The following EXOC2 variants were observed in gnomAD, a reference collection of about 807,000 sequenced individuals.
The protein encoded by EXOC2 is SEC5-like 1.
EXOC2 carries 70 observed loss-of-function variants against 131.8 expected under a neutral mutation model. The ratio of observed to expected loss-of-function variants is 0.53; its 90% confidence interval spans 0.44 to 0.65. EXOC2 has a LOEUF of 0.65. Among genes scored for constraint, EXOC2 ranks in the 30% least tolerant of loss-of-function variants. The pLI is 0.00. For synonymous variants in EXOC2, 411 were observed against 398.4 expected (o/e 1.03, Z -0.38); for missense variants, 923 against 1,108.6 (o/e 0.83, Z 2.38).
At position 637,852 on chromosome 6, in the gene EXOC2, G is replaced by A; in HGVS notation, c.-34C>T. The A allele has an allele frequency of 6.3e-7, 1 of 1,586,608 alleles. No homozygotes were observed. On this transcript the variant is annotated 5_prime_UTR_variant, in exon 2 of 28. Transcript: ENST00000230449. ...GTGGAGCAAACTGGTGATCCTGTTA[G>A]AGAAGTAATCTGTTAAAAGAGAAAG...
rs1462883463 is a variant in EXOC2 at position 486,722 on chromosome 6, G to A, written c.2724C>T (p.His908=). The stretch of plus-strand genomic sequence containing the variant: ...CTGCTTGGAAACAGGTGAGCTGCAA[G>A]TGCATGCTACTCTTGAACTTGTTCA... ...ELLNKFKSSM[H]LQLTCFQAAS... The change falls in exon 28 of 28, where the codon CAC becomes CAT. Residue 908 remains histidine (H), a synonymous_variant. Coordinates refer to ENST00000230449, the MANE Select transcript of EXOC2 (RefSeq NM_018303.6). The A allele has an allele frequency of 6.2e-7, 1 of 1,614,190 alleles. No homozygotes were observed. The highest frequency in any genetic ancestry group is 8.5e-7 in the Non-Finnish European group (1 of 1,180,030).
chr6:625,071 A>G (rs17756712), intron 4 of EXOC2, among the ~76,000 whole-genome samples: 23,289 of 152,258 alleles, frequency 0.15, 2,126 homozygotes, highest in Non-Finnish European at 0.2. Context: ...CCCTGAACAG[A>G]TATGTTTTCC....
intron 25 of EXOC2, among the ~76,000 whole-genome samples, chr6:496,036 A>G (rs1763715288): frequency 6.6e-6 from 1 of 152,064 alleles, no homozygotes; most frequent in Non-Finnish European, 1.5e-5. Context: ...TCCATTCCAG[A>G]AATTCCATTT....
chr6:675,019 C>G (rs561009893), intron 1 of EXOC2, among the ~76,000 whole-genome samples: 1 of 152,270 alleles, frequency 6.6e-6, no homozygotes, highest in East Asian at 1.9e-4. Flanking sequence ...CCTAGCCATT[C>G]CTTCCCGGGA....
intron 22 of EXOC2, among the ~76,000 whole-genome samples, chr6:534,728 C>G (rs1282315804): frequency 6.6e-6 from 1 of 152,198 alleles, no homozygotes; most frequent in East Asian, 1.9e-4. Flanking sequence ...AACCTAAAAT[C>G]AAACACATCA....
At chr6:614,380 G>T (rs934934441) in intron 6 of EXOC2, among the ~76,000 whole-genome samples, 1 of 152,216 alleles carries the variant, frequency 6.6e-6, no homozygotes, top group African/African-American at 2.4e-5. Flanking sequence ...GTGTGTCACG[G>T]ACTGTTACCA....
At chr6:654,620 T>C (rs767868243) in intron 1 of EXOC2, among the ~76,000 whole-genome samples, 2 of 151,440 alleles carry the variant, frequency 1.3e-5, no homozygotes, top group Non-Finnish European at 2.9e-5. Flanking sequence ...GTCAACATAG[T>C]GAGACTCCCT....
chr6:546,842 G>C (rs1435165846), intron 22 of EXOC2, among the ~76,000 whole-genome samples: 5 of 152,198 alleles, frequency 3.3e-5, no homozygotes, highest in Admixed American at 3.3e-4. Flanking sequence ...TAGTAGTTAG[G>C]TTTTAGGGTG....
intron 22 of EXOC2, 34 bp downstream of exon 22, chr6:549,141 C>T: frequency 3.2e-6 from 5 of 1,563,692 alleles, no homozygotes; most frequent in South Asian, 1.1e-5. Flanking sequence ...CTGGTAAAAC[C>T]ACCGACTTGT....
intron 22 of EXOC2, among the ~76,000 whole-genome samples, chr6:541,413 T>C (rs926903276): frequency 6.6e-6 from 1 of 152,176 alleles, no homozygotes; most frequent in Non-Finnish European, 1.5e-5. Flanking sequence ...TAAACAAGAT[T>C]AGAGTCCAAA....
chr6:597,935 C>T, intron 10 of EXOC2, 86 bp downstream of exon 10: 2 of 906,322 alleles, frequency 2.2e-6, no homozygotes, highest in East Asian at 2.6e-5. Flanking sequence ...CTCCTAAAGT[C>T]CCTCAAGTTA....
At chr6:531,481 C>G (rs1347402330) in intron 23 of EXOC2, among the ~76,000 whole-genome samples, 5 of 152,204 alleles carry the variant, frequency 3.3e-5, no homozygotes, top group Non-Finnish European at 7.3e-5. Context: ...TCAGGAAATT[C>G]AATAACTGTG....
intron 2 of EXOC2, among the ~76,000 whole-genome samples, chr6:635,028 G>T (rs2127711796): frequency 6.6e-6 from 1 of 152,158 alleles, no homozygotes; most frequent in African/African-American, 2.4e-5. Context: ...AGGTATTTTG[G>T]TATCACTCCA....
chr6:563,632 G>A (rs1199015220), intron 16 of EXOC2, among the ~76,000 whole-genome samples: 1 of 152,012 alleles, frequency 6.6e-6, no homozygotes, highest in African/African-American at 2.4e-5. Flanking sequence ...TATAATTTCT[G>A]GAATCCAGAG....
At chr6:586,587 C>T (rs1433507032) in intron 11 of EXOC2, among the ~76,000 whole-genome samples, 1 of 152,248 alleles carries the variant, frequency 6.6e-6, no homozygotes, top group African/African-American at 2.4e-5. Context: ...AGGTGCAGCT[C>T]TTCATGAATC....
chr6:564,800 A>G, intron 14 of EXOC2, 64 bp downstream of exon 14: 1 of 1,584,360 alleles, frequency 6.3e-7, no homozygotes, highest in Middle Eastern at 1.7e-4. Context: ...TGTCTTGAAT[A>G]CAAAGTGAGA....
intron 3 of EXOC2, among the ~76,000 whole-genome samples, chr6:631,660 A>G (rs1036902561): frequency 6.6e-6 from 1 of 152,208 alleles, no homozygotes; most frequent in Non-Finnish European, 1.5e-5. Context: ...TTTATCTGCT[A>G]TATAAATAGA....
chr6:667,872 T>C (rs866620539), intron 1 of EXOC2, among the ~76,000 whole-genome samples: 2 of 145,512 alleles, frequency 1.4e-5, no homozygotes, highest in Admixed American at 6.7e-5. Context: ...CATCCATCCA[T>C]CCATCCATCC....
chr6:533,910 T>C (rs549850450), intron 22 of EXOC2, among the ~76,000 whole-genome samples: 2 of 152,214 alleles, frequency 1.3e-5, no homozygotes, highest in African/African-American at 2.4e-5. Context: ...AGTCCGCTGC[T>C]ATGCACAGGC....
Sources: gnomAD v4.1 joint callset for allele counts (sites outside exome capture counted in the v4.1 genomes callset) on GRCh38, gnomAD v4.1.1 for gene constraint, MANE v1.5 for transcripts, NCBI Gene and HGNC (gene_info 2026-07-23, HGNC 2026-07-21) for gene names.